Variants in CALCR observed in about 807,000 individuals in gnomAD.
CALCR encodes calcitonin receptor.
CALCR carries 47 observed loss-of-function variants against 59.5 expected under a neutral mutation model. That is an observed-to-expected ratio of 0.79 (90% CI 0.63 to 1.01). CALCR has a LOEUF of 1.01. Ranked by LOEUF, CALCR falls within the 50% of genes least tolerant of loss-of-function variation. The pLI is 0.00. For synonymous variants in CALCR, 213 were observed against 211.3 expected (o/e 1.01, Z -0.07); for missense variants, 566 against 597.1 (o/e 0.95, Z 0.54).
rs189760251 is a variant in CALCR, at chr7:93,571,377, A to T, written c.-27+2912T>A. 5.0e-3 allele frequency among the ~76,000 whole-genome samples: 754 copies of T among 152,276 alleles called. 5 individuals are homozygous for T. The highest frequency in any genetic ancestry group is 0.017 in the African/African-American group (690 of 41,564). On this transcript the variant is annotated intron_variant, in intron 2 of 13. Transcript: ENST00000426151. The stretch of plus-strand genomic sequence containing the variant: ...CAATGCTTGGCATATAACAATAAAA[A>T]TTTTTTTGAATGAATGACATTTAAA...
At chr7:93,536,024 T>G (rs1306178514) in intron 2 of CALCR, among the ~76,000 whole-genome samples, 1 of 151,898 alleles carries the variant, frequency 6.6e-6, no homozygotes, top group Non-Finnish European at 1.5e-5. Context: ...TTAATGTTAT[T>G]ATCTGTATGT....
At chr7:93,455,152 AAC>A (rs1334278057) in intron 8 of CALCR, among the ~76,000 whole-genome samples, 1 of 152,004 alleles carries the variant, frequency 6.6e-6, no homozygotes, top group Non-Finnish European at 1.5e-5. Flanking sequence ...AACAACAACA[AAC>A]ACACAAAACC....
In CALCR at chr7:93,425,128, A is replaced by G. The variant is rs1336066557; in HGVS notation, c.*1228T>C. 1 of 152,646 alleles carries G rather than the reference A, an allele frequency of 6.6e-6. No homozygotes were observed. The highest frequency in any genetic ancestry group is 2.4e-5 in the African/African-American group (1 of 41,466). 9.5% of individuals were successfully genotyped at this position (152,646 alleles called of 1,614,324 possible). A position where few individuals can be genotyped will look rare whatever the true frequency, so the allele number is the denominator to read the frequency against. ...GATACTGGTTTATTCAGGATTTTCA[A>G]AAATCTTATACTGGGAAGTAAAGAG... On this transcript the variant is annotated 3_prime_UTR_variant, in exon 14 of 14. Coordinates refer to ENST00000426151, the MANE Select transcript of CALCR (RefSeq NM_001742.4).
chr7:93,517,314 T>TTTTCTTTTTTTTTTTTTTATTATACTC (rs1206907976), intron 2 of CALCR, among the ~76,000 whole-genome samples: 16 of 151,572 alleles, frequency 1.1e-4, no homozygotes, highest in African/African-American at 3.4e-4. Context: ...CTTTTTTTTT[T>TTTTCTTTTTTTTTTTTTTATTATACTC]TAATTTGCTA....
chr7:93,515,727 C>T (rs1358936793), intron 2 of CALCR, among the ~76,000 whole-genome samples: 1 of 151,920 alleles, frequency 6.6e-6, no homozygotes, highest in Non-Finnish European at 1.5e-5. Context: ...TACCAATGCA[C>T]ATTCAAATTT....
At chr7:93,565,507 A>C (rs769876203) in intron 2 of CALCR, among the ~76,000 whole-genome samples, 2 of 152,236 alleles carry the variant, frequency 1.3e-5, no homozygotes, top group Admixed American at 1.3e-4. Context: ...AATTTGAAGA[A>C]TATATATTTT....
intron 7 of CALCR, among the ~76,000 whole-genome samples, chr7:93,461,415 C>G (rs1001148873): frequency 2.0e-5 from 3 of 152,126 alleles, no homozygotes; most frequent in Non-Finnish European, 2.9e-5. Flanking sequence ...TGTCCTTGAG[C>G]CATTGCATAC....
chr7:93,453,443 A>T (rs1800148204), intron 8 of CALCR, among the ~76,000 whole-genome samples: 1 of 152,052 alleles, frequency 6.6e-6, no homozygotes, highest in African/African-American at 2.4e-5. Context: ...TGTAATCTGG[A>T]GTAATCCAGC....
intron 2 of CALCR, among the ~76,000 whole-genome samples, chr7:93,524,051 T>C (rs565797909): frequency 1.3e-3 from 205 of 152,172 alleles, no homozygotes; most frequent in African/African-American, 4.8e-3. Context: ...TGTTTCATCA[T>C]ATTAGTAGTA....
intron 2 of CALCR, among the ~76,000 whole-genome samples, chr7:93,520,592 A>G (rs10239793): frequency 2.5e-3 from 374 of 152,222 alleles, no homozygotes; most frequent in African/African-American, 8.7e-3. Context: ...CTCTCACCCT[A>G]CTTAATTTGT....
chr7:93,426,077 TTC>T lies in CALCR; in HGVS notation c.*277_*278del. Reference sequence around the variant, plus strand: ...CTGAACTAGGTCAATTTCATTGTTTTTCTTTGATACTTTGCTTGCATTACTGT... The same window carrying T: ...CTGAACTAGGTCAATTTCATTGTTTTTTTGATACTTTGCTTGCATTACTGT... On this transcript the variant is annotated 3_prime_UTR_variant, in exon 14 of 14. Coordinates refer to ENST00000426151, the MANE Select transcript of CALCR (RefSeq NM_001742.4). The T allele has an allele frequency of 3.1e-6, 1 of 321,752 alleles. No homozygotes were observed. Among genetic ancestry groups the T allele is most frequent in the Non-Finnish European group, 5.6e-6 (1 of 177,886 alleles). The allele number at this position is 321,752 out of a possible 1,614,324, so 19.9% of individuals were successfully genotyped here.
At position 93,426,372 on chromosome 7, in the gene CALCR, T is replaced by C. The variant is rs1200580515; in HGVS notation, c.1409A>G (p.Gln470Arg). Reference protein sequence around the residue: ...AEIIPLNIIEQESSA With the variant: ...AEIIPLNIIERESSA Reference sequence around the variant, plus strand: ...GCTTCACATTCAAGCAGATGACTCTTGCTCTATGATATTCAAAGGGATGAT... The same window carrying C: ...GCTTCACATTCAAGCAGATGACTCTCGCTCTATGATATTCAAAGGGATGAT... Residue 470 changes from glutamine to arginine, a missense_variant, in exon 14 of 14, where the codon CAA becomes CGA. Transcript: ENST00000426151. 6 of 1,601,498 alleles carry C rather than the reference T, an allele frequency of 3.7e-6. No individual in the cohort carries two copies. In the South Asian group the frequency reaches 5.5e-5, roughly 15 times the overall value.
rs1454642551 is a variant in CALCR, at chr7:93,425,438, G to C, written c.*918C>G. ...TCTTTTACTGCTAGATAGCACCCAA[G>C]GGCAAGAGGTAATCTGCTTTATAAA... On this transcript the variant is annotated 3_prime_UTR_variant, in exon 14 of 14. Transcript: ENST00000426151. The C allele has an allele frequency of 6.6e-6, 1 of 152,606 alleles. No homozygotes were observed. The highest frequency in any genetic ancestry group is 2.4e-5 in the African/African-American group (1 of 41,450). The allele number at this position is 152,606 out of a possible 1,614,324, so 9.5% of individuals were successfully genotyped here.
chr7:93,564,152 C>T (rs183063948), intron 2 of CALCR, among the ~76,000 whole-genome samples: 73 of 152,104 alleles, frequency 4.8e-4, no homozygotes, highest in African/African-American at 1.3e-3. Flanking sequence ...TCACACTTGT[C>T]TCTGTTTAGA....
intron 2 of CALCR, among the ~76,000 whole-genome samples, chr7:93,571,811 A>G (rs1400556417): frequency 6.6e-6 from 1 of 152,160 alleles, no homozygotes; most frequent in African/African-American, 2.4e-5. Flanking sequence ...TGTAACTCAC[A>G]AGGCTACTCT....
intron 3 of CALCR, among the ~76,000 whole-genome samples, chr7:93,479,844 C>CA (rs1800755927): frequency 6.6e-6 from 1 of 151,602 alleles, no homozygotes; most frequent in African/African-American, 2.4e-5. Flanking sequence ...ATCTAATTTC[C>CA]AAAAAATACA....
intron 2 of CALCR, among the ~76,000 whole-genome samples, chr7:93,525,669 A>G (rs903336164): frequency 3.9e-5 from 6 of 152,204 alleles, no homozygotes; most frequent in Non-Finnish European, 7.3e-5. Context: ...CAATTTGTCA[A>G]TTTAAAAGTT....
chr7:93,450,004 G>T (rs1379777671), intron 8 of CALCR, among the ~76,000 whole-genome samples: 3 of 152,142 alleles, frequency 2.0e-5, no homozygotes, highest in East Asian at 3.9e-4. Flanking sequence ...GTGCCTTTGG[G>T]TATAGGCAAA....
intron 2 of CALCR, among the ~76,000 whole-genome samples, chr7:93,531,800 T>C (rs1225078026): frequency 6.6e-6 from 1 of 152,000 alleles, no homozygotes; most frequent in African/African-American, 2.4e-5. Flanking sequence ...ACCCAAAGAT[T>C]GGGTTAACTA....
Sources: gnomAD v4.1 joint callset for allele counts (sites outside exome capture counted in the v4.1 genomes callset) on GRCh38, gnomAD v4.1.1 for gene constraint, MANE v1.5 for transcripts, NCBI Gene and HGNC (gene_info 2026-07-23, HGNC 2026-07-21) for gene names.